Variants in CKMT2 observed in about 807,000 individuals in gnomAD.
CKMT2 encodes the protein creatine kinase, mitochondrial 2, also known as creatine kinase S-type, mitochondrial.
A neutral mutation model predicts 48.9 loss-of-function variants in CKMT2; 43 were observed. That is an observed-to-expected ratio of 0.88 (90% CI 0.69 to 1.13). The LOEUF (loss-of-function observed/expected upper bound fraction) is 1.13, where lower values mean the gene tolerates loss of function less well. CKMT2 is among the 50% of genes most tolerant of loss of function. CKMT2 has a pLI of 0.00. For synonymous variants in CKMT2, 206 were observed against 213.0 expected (o/e 0.97, Z 0.29); for missense variants, 472 against 555.4 (o/e 0.85, Z 1.51).
At position 81,257,722 on chromosome 5, in the gene CKMT2, C is replaced by G. The variant is rs768506495; in HGVS notation, c.756-11C>G. On this transcript the variant is annotated splice_polypyrimidine_tract_variant and intron_variant, in intron 6 of 9. Coordinates refer to ENST00000254035, the MANE Select transcript of CKMT2 (RefSeq NM_001099735.2). ...AATTAACACTCAGTACCATATTTCT[C>G]TCTTCATTAGGCATAATTATGATAA... 7 of 1,607,456 alleles carry G rather than the reference C, an allele frequency of 4.4e-6. No individual in the cohort carries two copies. The highest frequency in any genetic ancestry group is 4.0e-5 in the African/African-American group (3 of 74,700).
intron 8 of CKMT2, among the ~76,000 whole-genome samples, chr5:81,262,367 C>T (rs897863079): frequency 1.3e-5 from 2 of 152,086 alleles, no homozygotes; most frequent in Non-Finnish European, 2.9e-5. Context: ...AGCTTCTGCA[C>T]AGCAAAATAA....
At chr5:81,234,016 T>C (rs1756179793) in intron 1 of CKMT2, among the ~76,000 whole-genome samples, 1 of 112,938 alleles carries the variant, frequency 8.9e-6, no homozygotes, top group African/African-American at 3.9e-5. Flanking sequence ...CCACCGGAGG[T>C]TAATTAAAAA....
At chr5:81,263,318 T>C (rs1052928486) in intron 8 of CKMT2, among the ~76,000 whole-genome samples, 173 bp from the exon 9 acceptor site, 1 of 149,684 alleles carries the variant, frequency 6.7e-6, no homozygotes, top group Non-Finnish European at 1.5e-5. Flanking sequence ...GAACGCTTTA[T>C]TTAGTTAATC....
rs1321635886 is a variant in CKMT2 at position 81,266,210 on chromosome 5, C to T, written c.1212C>T (p.Gly404=). 1.7e-5 allele frequency: 28 copies of T among 1,613,174 alleles called. No individual in the cohort carries two copies. The highest frequency in any genetic ancestry group is 2.3e-5 in the Non-Finnish European group (27 of 1,179,378). ...LVDCEKKLER[G]QDIKVPPPLP... is the part of the protein sequence containing the mutation. ...ATTGTGAAAAGAAGTTGGAGAGAGG[C>T]CAAGATATTAAGGTGCCACCCCCTC... The change falls in exon 10 of 10, where the codon GGC becomes GGT. Residue 404 remains glycine, a synonymous_variant. Coordinates refer to ENST00000254035, the MANE Select transcript of CKMT2 (RefSeq NM_001099735.2).
intron 1 of CKMT2, chr5:81,238,718 G>C (rs906848796): frequency 6.6e-6 from 1 of 152,462 alleles, no homozygotes; most frequent in African/African-American, 2.4e-5. Flanking sequence ...TCTGTCCACT[G>C]TATCTGGAAA....
chr5:81,241,801 A>G (rs933164771), intron 1 of CKMT2, among the ~76,000 whole-genome samples: 4 of 152,242 alleles, frequency 2.6e-5, no homozygotes, highest in Admixed American at 6.5e-5. Flanking sequence ...GTGCATCACT[A>G]GTTTAATGTT....
chr5:81,237,787 C>G (rs1756293151), intron 1 of CKMT2: 1 of 152,014 alleles, frequency 6.6e-6, no homozygotes, highest in South Asian at 2.1e-4. Context: ...CAAATTGCAA[C>G]CGCTCATATT....
intron 3 of CKMT2, among the ~76,000 whole-genome samples, chr5:81,253,772 C>T (rs996884545): frequency 6.6e-6 from 1 of 152,216 alleles, no homozygotes; most frequent in Non-Finnish European, 1.5e-5. Context: ...TGCTTTGTTA[C>T]AACTTCTTTT....
chr5:81,263,650 A>C (rs746019575), intron 9 of CKMT2, 34 bp downstream of exon 9: 17 of 1,582,256 alleles, frequency 1.1e-5, no homozygotes, highest in Admixed American at 1.0e-4. Context: ...ACATGAACTA[A>C]CAAAATCAGC....
intron 1 of CKMT2, among the ~76,000 whole-genome samples, chr5:81,243,836 C>T (rs533769640): frequency 7.9e-5 from 12 of 152,176 alleles, no homozygotes; most frequent in Admixed American, 3.9e-4. Context: ...ATTACAGGCG[C>T]GTGCTACCAC....
Position 81,266,309 on chromosome 5 carries a change from T to TAA in CKMT2, c.*53_*54dup. On this transcript the variant is annotated 3_prime_UTR_variant, in exon 10 of 10. Transcript: ENST00000254035. Reference sequence around the variant, plus strand: ...AATCTGTCTGCTGGTACGACAGACATAAATCTCTACTCTGAGAGTTTTTAT... The same window carrying TAA: ...AATCTGTCTGCTGGTACGACAGACATAAAAATCTCTACTCTGAGAGTTTTTAT... 6.4e-7 allele frequency: 1 copy of TAA among 1,570,478 alleles called. No homozygotes were observed. The highest frequency in any genetic ancestry group is 8.7e-7 in the Non-Finnish European group (1 of 1,144,688).
chr5:81,237,401 T>A (rs1197264055), intron 1 of CKMT2, among the ~76,000 whole-genome samples: 1 of 152,056 alleles, frequency 6.6e-6, no homozygotes, highest in African/African-American at 2.4e-5. Flanking sequence ...CTGCTGAGGC[T>A]CGGGTGGGTA....
chr5:81,249,672 T>G lies in CKMT2; in HGVS notation c.-20-1441T>G, dbSNP rs1260198993. Among the ~76,000 whole-genome samples the G allele has an allele frequency of 1.3e-5, 2 of 151,010 alleles. 1 individual carries two copies. The highest frequency in any genetic ancestry group is 4.2e-4 in the South Asian group (2 of 4,780). On this transcript the variant is annotated intron_variant, in intron 1 of 9. Transcript: ENST00000254035. The stretch of plus-strand genomic sequence containing the variant: ...TTCTCCATTTCAGGCTCTCTCCTTA[T>G]GCTGTCATTTCCTTTCTTTCTGAAG...
In CKMT2 at chr5:81,257,809, G is replaced by A. The variant is rs533975542; in HGVS notation, c.832G>A (p.Gly278Ser). Residue 278 changes from glycine to serine, a missense_variant, in exon 7 of 10, where the codon GGC becomes AGC. Transcript: ENST00000254035. ...HTRVISMEKG[G>S]NMKRVFERFC... The stretch of plus-strand genomic sequence containing the variant: ...CAGGGTAATCTCAATGGAAAAAGGA[G>A]GCAATATGAAACGAGTATTTGAGCG... The A allele has an allele frequency of 2.5e-6, 4 of 1,613,752 alleles. No individual in the cohort carries two copies. The highest frequency in any genetic ancestry group is 3.3e-5 in the Admixed American group (2 of 60,020).
chr5:81,233,421 GT>G (rs1302111135), intron 1 of CKMT2, 44 bp downstream of exon 1: 18 of 983,352 alleles, frequency 1.8e-5, no homozygotes, highest in Non-Finnish European at 2.2e-5. Context: ...CCAAAGAGGG[GT>G]CATGGCTAGA....
At chr5:81,260,969 A>C (rs945660594) in intron 8 of CKMT2, among the ~76,000 whole-genome samples, 2 of 152,244 alleles carry the variant, frequency 1.3e-5, no homozygotes, top group African/African-American at 4.8e-5. Flanking sequence ...AATCCTCAAT[A>C]AAATACTGGC....
chr5:81,260,376 G>A (rs2112822308), intron 8 of CKMT2, among the ~76,000 whole-genome samples: 1 of 152,192 alleles, frequency 6.6e-6, no homozygotes. Context: ...GATCAGAGCA[G>A]AACTGAAGGA....
In CKMT2 at chr5:81,262,810, C is replaced by T. The variant is rs1299165812; in HGVS notation, c.1015-681C>T. On this transcript the variant is annotated intron_variant, in intron 8 of 9. Transcript: ENST00000254035. ...CTAGAACCAGAAATACCATTTGACC[C>T]AGCCATCCCATTACTGGGTATATAC... 2.6e-5 allele frequency among the ~76,000 whole-genome samples: 4 copies of T among 152,304 alleles called. No homozygotes were observed. In the East Asian group the frequency reaches 7.7e-4, roughly 29 times the overall value.
At chr5:81,244,876 G>C (rs1482299007) in intron 1 of CKMT2, 9 of 135,364 alleles carry the variant, frequency 6.6e-5, no homozygotes, top group African/African-American at 2.3e-4. Context: ...TTTTGAGACA[G>C]AGTCTTACTC....
Sources: allele counts gnomAD v4.1 joint callset (sites outside exome capture counted in the v4.1 genomes callset), GRCh38; gene constraint gnomAD v4.1.1; transcripts MANE v1.5; gene names NCBI Gene and HGNC (gene_info 2026-07-23, HGNC 2026-07-21).